KIF13A: variants seen among roughly 807,000 people sequenced by gnomAD.
KIF13A encodes kinesin family member 13A, also known as kinesin-like protein KIF13A.
In KIF13A, 79 loss-of-function variants were observed where a neutral mutation model predicts 212.2. That is an observed-to-expected ratio of 0.37 (90% CI 0.31 to 0.45). The LOEUF (loss-of-function observed/expected upper bound fraction) is 0.45. Among genes scored for constraint, KIF13A ranks in the 20% least tolerant of loss-of-function variants. The pLI is 1.00. For synonymous variants in KIF13A, 789 were observed against 808.6 expected (o/e 0.98, Z 0.41); for missense variants, 1,901 against 2,209.0 (o/e 0.86, Z 2.79).
intron 4 of KIF13A, among the ~76,000 whole-genome samples, chr6:17,862,179 T>C (rs912802062): frequency 6.6e-6 from 1 of 152,124 alleles, no homozygotes; most frequent in Non-Finnish European, 1.5e-5. Context: ...CCACTGTTTT[T>C]ACAATTTGAC....
intron 9 of KIF13A, among the ~76,000 whole-genome samples, chr6:17,840,019 T>A (rs1190378950): frequency 6.6e-6 from 1 of 152,192 alleles, no homozygotes; most frequent in East Asian, 1.9e-4. Context: ...TCCATTTATA[T>A]GAAATATCTA....
intron 2 of KIF13A, among the ~76,000 whole-genome samples, chr6:17,907,360 G>C (rs1464337383): frequency 2.0e-5 from 3 of 152,110 alleles, no homozygotes; most frequent in African/African-American, 4.8e-5. Context: ...CAAAGAATTT[G>C]GTGAGAGCTC....
At chr6:17,796,637 C>A (rs1308777062) in intron 23 of KIF13A, 32 bp downstream of exon 23, 2 of 1,422,740 alleles carry the variant, frequency 1.4e-6, no homozygotes, top group Non-Finnish European at 1.9e-6. Flanking sequence ...TAGTCTTAAC[C>A]TTGTACCTAA....
Position 17,872,315 on chromosome 6 carries a change from C to T in KIF13A, c.220+1062G>A, listed in dbSNP as rs539982598. On this transcript the variant is annotated intron_variant, in intron 4 of 38. Coordinates refer to ENST00000259711, the MANE Select transcript of KIF13A (RefSeq NM_022113.6). The surrounding 1 kb of genome is among the most constrained non-coding windows in gnomAD (Gnocchi z 4.7). ...CAAATCTTTTAAGGCCAATATCCTC[C>T]CTTCATTTTTTTGTTTTTAACTAAC... Among the ~76,000 whole-genome samples, 222 of 152,250 alleles carry T rather than the reference C, an allele frequency of 1.5e-3. 1 individual carries two copies. Among genetic ancestry groups the T allele is most frequent in the African/African-American group, 5.2e-3 (215 of 41,566 alleles).
chr6:17,786,254 G>A lies in KIF13A; in HGVS notation c.3362-613C>T, dbSNP rs887339697. ...TGCTGGAAGGATCAAATGAAATACGGATGTGACACTGCTTTATAGAACTAT... is the reference window on the plus strand; with the variant it reads ...TGCTGGAAGGATCAAATGAAATACGAATGTGACACTGCTTTATAGAACTAT... On this transcript the variant is annotated intron_variant, in intron 27 of 38. Coordinates refer to ENST00000259711, the MANE Select transcript of KIF13A (RefSeq NM_022113.6). This position sits in a 1 kb window ranked among gnomAD's most constrained non-coding sequence, Gnocchi z 5.4. Among the ~76,000 whole-genome samples, 2 of 152,134 alleles carry A rather than the reference G, an allele frequency of 1.3e-5. No individual in the cohort carries two copies. The highest frequency in any genetic ancestry group is 4.8e-5 in the African/African-American group (2 of 41,416).
intron 2 of KIF13A, among the ~76,000 whole-genome samples, chr6:17,938,865 T>TTAGTGC (rs1776714376): frequency 6.6e-6 from 1 of 151,668 alleles, no homozygotes; most frequent in African/African-American, 2.4e-5. Flanking sequence ...GTTGTGTTGT[T>TTAGTGC]ATATAAGGAA....
intron 2 of KIF13A, among the ~76,000 whole-genome samples, chr6:17,972,733 G>A (rs1233450037): frequency 2.0e-5 from 3 of 151,722 alleles, no homozygotes; most frequent in Non-Finnish European, 4.4e-5. Context: ...GCAGTCTAGG[G>A]AGTGTCTCCC....
intron 12 of KIF13A, among the ~76,000 whole-genome samples, chr6:17,831,749 C>T (rs897105708): frequency 2.7e-5 from 4 of 148,562 alleles, no homozygotes; most frequent in African/African-American, 1.0e-4. Flanking sequence ...GAACCCCTGG[C>T]AAATATCAGA....
At chr6:17,842,270 C>T (rs1479579265) in intron 9 of KIF13A, among the ~76,000 whole-genome samples, 1 of 151,686 alleles carries the variant, frequency 6.6e-6, no homozygotes, top group African/African-American at 2.4e-5. Context: ...AGGTTGGTCT[C>T]GAACACCTGG....
At chr6:17,879,366 G>A (rs1770857464) in intron 3 of KIF13A, among the ~76,000 whole-genome samples, 1 of 152,154 alleles carries the variant, frequency 6.6e-6, no homozygotes, top group South Asian at 2.1e-4. Context: ...TATTACCAGG[G>A]GAAGGAGTTG....
At chr6:17,942,775 C>T (rs1381943467) in intron 2 of KIF13A, among the ~76,000 whole-genome samples, 4 of 152,076 alleles carry the variant, frequency 2.6e-5, no homozygotes, top group Non-Finnish European at 4.4e-5. Context: ...GTCAGGAGTT[C>T]GAGACCAGCC....
rs978260499 is a variant in KIF13A at position 17,855,020 on chromosome 6, G to A, written c.494+417C>T. Reference sequence around the variant, plus strand: ...CATCAGGCAAGTGGATGCTTAAAACGTTCCCCACATGATTCCAATGCACAG... The same window carrying A: ...CATCAGGCAAGTGGATGCTTAAAACATTCCCCACATGATTCCAATGCACAG... On this transcript the variant is annotated intron_variant, in intron 6 of 38. Coordinates refer to ENST00000259711, the MANE Select transcript of KIF13A (RefSeq NM_022113.6). The surrounding 1 kb of genome is among the most constrained non-coding windows in gnomAD (Gnocchi z 4.1). 3.3e-5 allele frequency among the ~76,000 whole-genome samples: 5 copies of A among 152,122 alleles called. No homozygotes were observed. The highest frequency in any genetic ancestry group is 1.2e-4 in the African/African-American group (5 of 41,420).
At position 17,915,643 on chromosome 6, in the gene KIF13A, T is replaced by C. The variant is rs957865579; in HGVS notation, c.147-17463A>G. On this transcript the variant is annotated intron_variant, in intron 2 of 38. Coordinates refer to ENST00000259711, the MANE Select transcript of KIF13A (RefSeq NM_022113.6). The surrounding 1 kb of genome is among the most constrained non-coding windows in gnomAD (Gnocchi z 4.4). The stretch of plus-strand genomic sequence containing the variant: ...AGAACCATGTAGTTTCAATGTCACA[T>C]CGAGTTGAATCACCAGGACAGGAAA... Among the ~76,000 whole-genome samples the C allele has an allele frequency of 5.9e-5, 9 of 152,040 alleles. No individual in the cohort carries two copies. Among genetic ancestry groups the C allele is most frequent in the Admixed American group, 1.3e-4 (2 of 15,252 alleles).
chr6:17,880,872 G>A (rs747600310), intron 3 of KIF13A, among the ~76,000 whole-genome samples: 4 of 151,804 alleles, frequency 2.6e-5, no homozygotes, highest in Non-Finnish European at 5.9e-5. Flanking sequence ...CTCCCACCTC[G>A]ACCTCCCAAA....
chr6:17,803,760 G>A (rs1203311953), intron 20 of KIF13A, among the ~76,000 whole-genome samples: 1 of 152,166 alleles, frequency 6.6e-6, no homozygotes, highest in African/African-American at 2.4e-5. Flanking sequence ...GCGATATGGG[G>A]CACAGAGCTG....
At chr6:17,903,442 A>G (rs1773224016) in intron 2 of KIF13A, among the ~76,000 whole-genome samples, 1 of 152,220 alleles carries the variant, frequency 6.6e-6, no homozygotes, top group African/African-American at 2.4e-5. Flanking sequence ...CAGCTCAATA[A>G]TCTCAGGTAT....
rs1766208567 is a variant in KIF13A, at chr6:17,838,620, A to C, written c.831-1037T>G. Among the ~76,000 whole-genome samples the C allele has an allele frequency of 6.6e-6, 1 of 152,202 alleles. No homozygotes were observed. Among genetic ancestry groups the C allele is most frequent in the Non-Finnish European group, 1.5e-5 (1 of 68,032 alleles). ...GTGGCATAAATATGTACATCATCTT[A>C]AGTGAAACAAGTCAAAAAAATTAAA... On this transcript the variant is annotated intron_variant, in intron 9 of 38. Transcript: ENST00000259711. The surrounding 1 kb of genome is among the most constrained non-coding windows in gnomAD (Gnocchi z 4.2).
rs189184441 is a variant in KIF13A, at chr6:17,829,735, T to C, written c.1402-1365A>G. ...AGAGACAATTCCTTACCCCTACTCA[T>C]TGCCTAAATGAACAGATCTTAAGTT... On this transcript the variant is annotated intron_variant, in intron 13 of 38. Coordinates refer to ENST00000259711, the MANE Select transcript of KIF13A (RefSeq NM_022113.6). This position sits in a 1 kb window ranked among gnomAD's most constrained non-coding sequence, Gnocchi z 5.4. Among the ~76,000 whole-genome samples the C allele has an allele frequency of 6.6e-6, 1 of 152,268 alleles. No individual in the cohort carries two copies. The highest frequency in any genetic ancestry group is 6.5e-5 in the Admixed American group (1 of 15,284).
chr6:17,845,054 C>T (rs1396555939), intron 9 of KIF13A, among the ~76,000 whole-genome samples: 2 of 152,164 alleles, frequency 1.3e-5, no homozygotes, highest in Non-Finnish European at 2.9e-5. Context: ...CACAGTTCCA[C>T]GTGGCTGGGG....
Sources: allele counts gnomAD v4.1 joint callset (sites outside exome capture counted in the v4.1 genomes callset), GRCh38; gene constraint gnomAD v4.1.1; non-coding constraint Gnocchi (gnomAD v3.1); transcripts MANE v1.5; gene names NCBI Gene and HGNC (gene_info 2026-07-23, HGNC 2026-07-21).